PIK3AP1: variants seen among roughly 807,000 people sequenced by gnomAD.
PIK3AP1 encodes the protein phosphoinositide-3-kinase adaptor protein 1.
A neutral mutation model predicts 88.1 loss-of-function variants in PIK3AP1; 21 were observed. That is an observed-to-expected ratio of 0.24 (90% CI 0.17 to 0.34). PIK3AP1 has a LOEUF of 0.34. PIK3AP1 is among the 10% of genes least tolerant of loss of function. The probability of loss-of-function intolerance (pLI) is 1.00; values close to 1 mark genes in which losing one functional copy is unlikely to be tolerated. For synonymous variants in PIK3AP1, 398 were observed against 400.0 expected (o/e 1.00, Z 0.06); for missense variants, 828 against 1,035.7 (o/e 0.80, Z 2.75).
At chr10:96,615,724 T>C (rs1849204282) in intron 13 of PIK3AP1, among the ~76,000 whole-genome samples, 1 of 152,068 alleles carries the variant, frequency 6.6e-6, no homozygotes, top group Non-Finnish European at 1.5e-5. Flanking sequence ...CCAGTAGTTT[T>C]CATACAGGTG....
rs999904153 is a variant in PIK3AP1 at position 96,602,327 on chromosome 10, C to A, written c.2313G>T (p.Met771Ile). 1.2e-6 allele frequency: 2 copies of A among 1,611,354 alleles called. No individual in the cohort carries two copies. The highest frequency in any genetic ancestry group is 1.3e-5 in the African/African-American group (1 of 74,844). ...GCACCCTGGGGGGTCTCTCGAGGGA[C>A]ATGGTGGGTGTCCCATCCACTTGTG... is the stretch of plus-strand genomic sequence containing the variant. ...GPPQVDGTPT[M>I]SLERPPRVPP... Residue 771 changes from methionine to isoleucine, a missense_variant, in exon 16 of 17, where the codon ATG (methionine) becomes ATT (isoleucine). This residue lies in a region of PIK3AP1 where 191 missense variants were observed against 208.6 expected (regional missense o/e 0.92). Transcript: ENST00000339364.
chr10:96,619,969 T>C (rs1446287301), intron 12 of PIK3AP1, among the ~76,000 whole-genome samples: 1 of 152,210 alleles, frequency 6.6e-6, no homozygotes, highest in Non-Finnish European at 1.5e-5. Context: ...CTTTGAGTCA[T>C]AAAGTGTGAT....
In PIK3AP1 at chr10:96,690,709, T is replaced by C. The variant is rs150133400; in HGVS notation, c.430+18858A>G. Among the ~76,000 whole-genome samples, 681 of 152,338 alleles carry C rather than the reference T, an allele frequency of 4.5e-3. 3 individuals carry two copies. The highest frequency in any genetic ancestry group is 0.016 in the African/African-American group (655 of 41,572). Reference sequence around the variant, plus strand: ...CTCCACATTCACCAAGTGGTGTGAATGGCAGCTGCCAAGTTTTTAGAAAGC... The same window carrying C: ...CTCCACATTCACCAAGTGGTGTGAACGGCAGCTGCCAAGTTTTTAGAAAGC... On this transcript the variant is annotated intron_variant, in intron 2 of 16. Coordinates refer to ENST00000339364, the MANE Select transcript of PIK3AP1 (RefSeq NM_152309.3).
intron 13 of PIK3AP1, among the ~76,000 whole-genome samples, chr10:96,613,839 C>A (rs1305856916): frequency 6.6e-6 from 1 of 152,170 alleles, no homozygotes; most frequent in Non-Finnish European, 1.5e-5. Flanking sequence ...TCCCAGGTGC[C>A]AGGCACTGTG....
intron 16 of PIK3AP1, among the ~76,000 whole-genome samples, chr10:96,601,473 C>CAAAAAAA (rs11407501): frequency 2.6e-5 from 2 of 75,476 alleles, no homozygotes; most frequent in Admixed American, 1.6e-4. Flanking sequence ...GAATCTATCT[C>CAAAAAAA]AAAAAAAAAA....
At chr10:96,664,413 T>A (rs1373163401) in intron 2 of PIK3AP1, among the ~76,000 whole-genome samples, 2 of 152,214 alleles carry the variant, frequency 1.3e-5, no homozygotes, top group African/African-American at 4.8e-5. Context: ...TTTTATGTAT[T>A]TTAGTATTTT....
At chr10:96,692,726 GTAT>G (rs1356103877) in intron 2 of PIK3AP1, among the ~76,000 whole-genome samples, 2 of 152,152 alleles carry the variant, frequency 1.3e-5, no homozygotes, top group African/African-American at 4.8e-5. Context: ...TATAAAAGGG[GTAT>G]AGCTCAGTGG....
At chr10:96,706,747 ACT>A (rs1186069639) in intron 2 of PIK3AP1, among the ~76,000 whole-genome samples, 4 of 152,148 alleles carry the variant, frequency 2.6e-5, no homozygotes, top group African/African-American at 4.8e-5. Context: ...ACACTGCCAG[ACT>A]CTGAGTATCA....
intron 10 of PIK3AP1, among the ~76,000 whole-genome samples, chr10:96,624,327 T>C (rs1843126112): frequency 6.6e-6 from 1 of 152,202 alleles, no homozygotes; most frequent in African/African-American, 2.4e-5. Context: ...CTGTTGCCAA[T>C]AGTCAGCAAT....
intron 2 of PIK3AP1, among the ~76,000 whole-genome samples, chr10:96,687,255 CAAAAAAAAAAAAAAAAA>C (rs59631566): frequency 2.5e-4 from 14 of 55,332 alleles, no homozygotes; most frequent in Admixed American, 1.0e-3. Flanking sequence ...TACTCCATCT[CAAAAAAAAAAAAAAAAA>C]AAAAAAAAAA....
chr10:96,711,635 T>A (rs1335729154), intron 1 of PIK3AP1, among the ~76,000 whole-genome samples: 1 of 151,466 alleles, frequency 6.6e-6, no homozygotes, highest in South Asian at 2.1e-4. Context: ...GGATGAATCC[T>A]CTTGCCTGCC....
intron 2 of PIK3AP1, among the ~76,000 whole-genome samples, chr10:96,688,658 C>T (rs1253942729): frequency 2.6e-5 from 4 of 151,904 alleles, no homozygotes; most frequent in East Asian, 3.9e-4. Context: ...CATTAGCTGG[C>T]GTAGTGGCAC....
At chr10:96,648,298 T>C (rs1037781815) in intron 7 of PIK3AP1, among the ~76,000 whole-genome samples, 7 of 152,208 alleles carry the variant, frequency 4.6e-5, no homozygotes, top group Admixed American at 1.3e-4. Context: ...ATTCACTCTA[T>C]AAAGGTTTCT....
chr10:96,653,965 T>G (rs564903691), intron 3 of PIK3AP1, among the ~76,000 whole-genome samples: 12 of 152,300 alleles, frequency 7.9e-5, no homozygotes, highest in Non-Finnish European at 1.5e-4. Context: ...AGCAGCAGCA[T>G]CAGCATCCCC....
chr10:96,597,171 T>C (rs1848770694), intron 16 of PIK3AP1, among the ~76,000 whole-genome samples: 1 of 151,788 alleles, frequency 6.6e-6, no homozygotes, highest in African/African-American at 2.4e-5. Context: ...GCCCTGTGAG[T>C]TTGGGGTTAT....
intron 2 of PIK3AP1, among the ~76,000 whole-genome samples, chr10:96,695,860 C>A (rs113006871): frequency 3.3e-5 from 5 of 152,236 alleles, no homozygotes; most frequent in African/African-American, 1.2e-4. Flanking sequence ...ATACTTAATT[C>A]TTCTGTGGGA....
At chr10:96,618,405 T>C (rs1396392839) in intron 12 of PIK3AP1, among the ~76,000 whole-genome samples, 5 of 152,228 alleles carry the variant, frequency 3.3e-5, no homozygotes, top group Admixed American at 6.5e-5. Context: ...ACGTAAATTA[T>C]GTTCCCACTG....
rs552347559 is a variant in PIK3AP1, at chr10:96,633,699, G to A, written c.1376-5206C>T. Among the ~76,000 whole-genome samples, 13 of 152,286 alleles carry A rather than the reference G, an allele frequency of 8.5e-5. 1 individual carries two copies. The East Asian group carries it at 2.3e-3, about 27-fold the overall frequency. ...TTATTTGTCTGAACCCAAGTTTTCT[G>A]CCTTCAAAGTAATGAATGCTTATGA... On this transcript the variant is annotated intron_variant, in intron 8 of 16. Coordinates refer to ENST00000339364, the MANE Select transcript of PIK3AP1 (RefSeq NM_152309.3).
At chr10:96,600,094 A>G (rs185161624) in intron 16 of PIK3AP1, among the ~76,000 whole-genome samples, 74 of 152,248 alleles carry the variant, frequency 4.9e-4, no homozygotes, top group African/African-American at 1.7e-3. Flanking sequence ...TCAGGAATAA[A>G]AGGCCTTGGA....
Sources: allele counts gnomAD v4.1 joint callset (sites outside exome capture counted in the v4.1 genomes callset), GRCh38; gene constraint gnomAD v4.1.1; regional missense constraint gnomAD v4.1.1; transcripts MANE v1.5; gene names NCBI Gene and HGNC (gene_info 2026-07-23, HGNC 2026-07-21).